Variants in KYAT1 observed in about 807,000 individuals in gnomAD.
KYAT1 encodes the protein kynurenine aminotransferase 1, also known as kynurenine--oxoglutarate transaminase 1.
A neutral mutation model predicts 52.4 loss-of-function variants in KYAT1; 47 were observed. The observed-to-expected ratio is 0.90, with a 90% confidence interval of 0.71 to 1.14. The LOEUF is 1.14. Among genes scored for constraint, KYAT1 ranks in the 50% most tolerant of loss-of-function variants. The pLI is 0.00. For synonymous variants in KYAT1, 212 were observed against 209.6 expected, an observed-to-expected ratio of 1.01 and a Z score of -0.10; for missense variants, 480 against 557.9, an observed-to-expected ratio of 0.86 and a Z score of 1.41.
chr9:128,837,948 A>C, intron 5 of KYAT1, 103 bp downstream of exon 5: 3 of 1,489,140 alleles, frequency 2.0e-6, no homozygotes, highest in Non-Finnish European at 2.8e-6. Context: ...GCTTAGAGGA[A>C]CTGGCTTCCT....
chr9:128,871,210 C>A (rs1484788960), intron 1 of KYAT1, among the ~76,000 whole-genome samples: 1 of 151,638 alleles, frequency 6.6e-6, no homozygotes, highest in Non-Finnish European at 1.5e-5. Flanking sequence ...CCCAGCTACT[C>A]GGGAAGCTGA....
At chr9:128,857,080 G>T (rs1012834571) in intron 1 of KYAT1, among the ~76,000 whole-genome samples, 3 of 152,244 alleles carry the variant, frequency 2.0e-5, no homozygotes, top group Non-Finnish European at 4.4e-5. Flanking sequence ...ATGCTGCCTT[G>T]TTATTCTTTA....
intron 1 of KYAT1, among the ~76,000 whole-genome samples, chr9:128,864,705 T>C (rs1835960388): frequency 6.6e-6 from 1 of 152,070 alleles, no homozygotes; most frequent in African/African-American, 2.4e-5. Context: ...GCCTCCCATG[T>C]TCAAGTGATT....
At chr9:128,849,821 GAAAA>G (rs1833689814) in intron 1 of KYAT1, among the ~76,000 whole-genome samples, 1 of 139,210 alleles carries the variant, frequency 7.2e-6, no homozygotes. Flanking sequence ...GAAAAGAAAA[GAAAA>G]GAATGAATTT....
chr9:128,833,200 G>C lies in KYAT1; in HGVS notation c.*384C>G. On this transcript the variant is annotated 3_prime_UTR_variant, in exon 13 of 13. Transcript: ENST00000302586. ...CCTAAAGGCAACTCCCCAAGGCCAA[G>C]ATGAGCCAGGGAAGGTGAGGTTATA... The C allele has an allele frequency of 3.6e-6, 1 of 275,408 alleles. No homozygotes were observed. The highest frequency in any genetic ancestry group is 6.9e-6 in the Non-Finnish European group (1 of 145,296). The allele number at this position is 275,408 out of a possible 1,614,324, so 17.1% of individuals were successfully genotyped here.
Position 128,842,787 on chromosome 9 carries a change from T to G in KYAT1, c.68A>C (p.Lys23Thr). 1 of 1,613,768 alleles carries G rather than the reference T, an allele frequency of 6.2e-7. No homozygotes were observed. ...CACGACGTCATGCTCACTGGCCAGTTTCACAAACTCCACCCTGGGTAACAA... is the reference window on the plus strand; with the variant it reads ...CACGACGTCATGCTCACTGGCCAGTGTCACAAACTCCACCCTGGGTAACAA... Reference protein sequence around the residue: ...IDYNPWVEFVKLASEHDVVNL... With the variant: ...IDYNPWVEFVTLASEHDVVNL... Residue 23 changes from lysine to threonine, a missense_variant, in exon 3 of 13, where the codon AAA (lysine) becomes ACA (threonine). Physicochemically the swap from Lys to Thr is moderately conservative, Grantham distance 78. Transcript: ENST00000302586.
chr9:128,862,469 C>T (rs1312946758), intron 1 of KYAT1, among the ~76,000 whole-genome samples: 1 of 152,264 alleles, frequency 6.6e-6, no homozygotes, highest in Non-Finnish European at 1.5e-5. Context: ...TTACATTGAG[C>T]TCCTGCAGGC....
At chr9:128,877,792 C>T (rs1286249737) in intron 1 of KYAT1, among the ~76,000 whole-genome samples, 1 of 152,218 alleles carries the variant, frequency 6.6e-6, no homozygotes, top group Non-Finnish European at 1.5e-5. Context: ...GGAGAGCTAT[C>T]TGGAGCCTTG....
intron 1 of KYAT1, among the ~76,000 whole-genome samples, chr9:128,859,049 A>G (rs1042738459): frequency 6.6e-6 from 1 of 151,678 alleles, no homozygotes; most frequent in African/African-American, 2.4e-5. Context: ...TTTTGGAGGA[A>G]TGCTCTGGCA....
chr9:128,836,209 T>C (rs1831067524), intron 7 of KYAT1, 136 bp from the exon 8 acceptor site: 1 of 604,172 alleles, frequency 1.7e-6, no homozygotes, highest in East Asian at 3.1e-5. Flanking sequence ...TTTGCACAAT[T>C]TTTTTTCTTT....
Position 128,838,128 on chromosome 9 carries a change from T to A in KYAT1, c.361A>T (p.Ile121Phe). ...LVDEGDEVII[I>F]EPFFDCYEPM... ...TCGTAGCAGTCAAAAAAGGGTTCGATGATGATGACCTGATATAAGGGTCAA... is the reference window on the plus strand; with the variant it reads ...TCGTAGCAGTCAAAAAAGGGTTCGAAGATGATGACCTGATATAAGGGTCAA... Residue 121 changes from isoleucine (I) to phenylalanine (F), a missense_variant, in exon 5 of 13, where the codon ATC becomes TTC. Transcript: ENST00000302586. 1.2e-6 allele frequency: 2 copies of A among 1,614,160 alleles called. No individual in the cohort carries two copies. The highest frequency in any genetic ancestry group is 1.6e-4 in the Middle Eastern group (1 of 6,062).
At chr9:128,869,995 C>G (rs1051002874) in intron 1 of KYAT1, among the ~76,000 whole-genome samples, 2 of 151,990 alleles carry the variant, frequency 1.3e-5, no homozygotes, top group African/African-American at 4.8e-5. Flanking sequence ...CTCAGGTGAT[C>G]CCCCCGCCTC....
At chr9:128,862,701 A>C (rs773986997) in intron 1 of KYAT1, among the ~76,000 whole-genome samples, 3 of 152,198 alleles carry the variant, frequency 2.0e-5, no homozygotes, top group Non-Finnish European at 2.9e-5. Flanking sequence ...GATATGCTTA[A>C]ACAATCTTGC....
At chr9:128,874,641 C>T (rs543583472) in intron 1 of KYAT1, among the ~76,000 whole-genome samples, 1 of 150,884 alleles carries the variant, frequency 6.6e-6, no homozygotes, top group South Asian at 2.1e-4. Flanking sequence ...ACGAGTCATC[C>T]TTAGTCATCC....
At chr9:128,861,243 G>T (rs774925795) in intron 1 of KYAT1, among the ~76,000 whole-genome samples, 2 of 152,198 alleles carry the variant, frequency 1.3e-5, no homozygotes, top group Non-Finnish European at 2.9e-5. Context: ...TAATTCCCAC[G>T]TGTCCTGGGA....
chr9:128,847,461 G>A, intron 1 of KYAT1: 1 of 1,535,828 alleles, frequency 6.5e-7, no homozygotes. Context: ...AGTGAGTGGG[G>A]CTCCAGCCTT....
At chr9:128,836,731 C>T (rs768907985) in intron 7 of KYAT1, 71 bp downstream of exon 7, 487 of 1,563,122 alleles carry the variant, frequency 3.1e-4, no homozygotes, top group Non-Finnish European at 4.0e-4. Context: ...CAGGCCTGCG[C>T]TGACTCTCAG....
Position 128,834,028 on chromosome 9 carries a change from C to T in KYAT1, c.1123-202G>A, listed in dbSNP as rs528469732. ...ATCCCAGCACTTTGGGAGGCTGAGA[C>T]GGGTGGATCACCTGAGGTCAGGAGT... is the stretch of plus-strand genomic sequence containing the variant. On this transcript the variant is annotated intron_variant, in intron 11 of 12. Coordinates refer to ENST00000302586, the MANE Select transcript of KYAT1 (RefSeq NM_004059.5). Among the ~76,000 whole-genome samples the T allele has an allele frequency of 5.9e-5, 9 of 152,014 alleles. No individual in the cohort carries two copies. In the South Asian group the frequency reaches 8.3e-4, roughly 14 times the overall value.
chr9:128,873,386 A>AACTT (rs1009898047), intron 1 of KYAT1, among the ~76,000 whole-genome samples: 8 of 151,856 alleles, frequency 5.3e-5, no homozygotes, highest in Admixed American at 5.3e-4. Flanking sequence ...AACTAATAAG[A>AACTT]ACTTAGTACA....
Sources: gnomAD v4.1 joint callset for allele counts (sites outside exome capture counted in the v4.1 genomes callset) on GRCh38, gnomAD v4.1.1 for gene constraint, MANE v1.5 for transcripts, NCBI Gene and HGNC (gene_info 2026-07-23, HGNC 2026-07-21) for gene names.